Variants in DDX50 observed in about 807,000 individuals in gnomAD.
The protein encoded by DDX50 is ATP-dependent RNA helicase DDX50.
DDX50 carries 56 observed loss-of-function variants against 94.8 expected under a neutral mutation model. That is an observed-to-expected ratio of 0.59 (90% CI 0.48 to 0.74). DDX50 has a LOEUF of 0.74. DDX50 is among the 30% of genes least tolerant of loss of function. The probability of loss-of-function intolerance (pLI) is 0.00; values close to 1 mark genes in which losing one functional copy is unlikely to be tolerated. For missense variants in DDX50, 713 were observed against 881.2 expected, an observed-to-expected ratio of 0.81 and a Z score of 2.42; for synonymous variants, 264 against 295.4, an observed-to-expected ratio of 0.89 and a Z score of 1.09.
chr10:68,917,653 T>C (rs1328495715), intron 7 of DDX50, among the ~76,000 whole-genome samples: 2 of 152,176 alleles, frequency 1.3e-5, no homozygotes, highest in African/African-American at 2.4e-5. Flanking sequence ...CCGGCTGCAG[T>C]GCAGTGTGGC....
intron 12 of DDX50, among the ~76,000 whole-genome samples, chr10:68,939,426 G>C (rs1399666693): frequency 6.6e-6 from 1 of 152,096 alleles, no homozygotes; most frequent in African/African-American, 2.4e-5. Flanking sequence ...TAGAAACAGG[G>C]TGTTAGTGGC....
At chr10:68,907,342 G>T (rs1841489177) in intron 2 of DDX50, among the ~76,000 whole-genome samples, 1 of 133,414 alleles carries the variant, frequency 7.5e-6, no homozygotes, top group African/African-American at 2.8e-5. Context: ...TTGAGTCAGA[G>T]TCTCTCTCTG....
At chr10:68,904,239 A>G (rs751558137) in intron 1 of DDX50, among the ~76,000 whole-genome samples, 2 of 151,446 alleles carry the variant, frequency 1.3e-5, no homozygotes, top group Non-Finnish European at 2.9e-5. Context: ...TGAGCCAGGG[A>G]GGTTGAGGCC....
intron 7 of DDX50, among the ~76,000 whole-genome samples, chr10:68,917,991 C>T (rs903258923): frequency 9.9e-5 from 15 of 151,476 alleles, no homozygotes; most frequent in African/African-American, 3.4e-4. Context: ...GTGGCGCAGT[C>T]TCAGCTCACT....
At chr10:68,943,758 A>T (rs943445665) in intron 14 of DDX50, among the ~76,000 whole-genome samples, 1 of 151,732 alleles carries the variant, frequency 6.6e-6, no homozygotes, top group Non-Finnish European at 1.5e-5. Context: ...TTTTTAAAAA[A>T]TTTTTGTAGA....
In DDX50 at chr10:68,916,233, A is replaced by G. The variant is rs139059953; in HGVS notation, c.1089+2029A>G. On this transcript the variant is annotated intron_variant, in intron 7 of 14. Coordinates refer to ENST00000373585, the MANE Select transcript of DDX50 (RefSeq NM_024045.2). ...GCTGGGCATAGTTGCGCACGCCTGTAGTCCCAACTACTCGGCAGGCTGAGG... is the reference window on the plus strand; with the variant it reads ...GCTGGGCATAGTTGCGCACGCCTGTGGTCCCAACTACTCGGCAGGCTGAGG... 2.7e-3 allele frequency among the ~76,000 whole-genome samples: 417 copies of G among 152,002 alleles called. 2 individuals carry two copies. Among genetic ancestry groups the G allele is most frequent in the Middle Eastern group, 0.02 (6 of 294 alleles).
rs191707376 is a variant in DDX50, at chr10:68,910,893, G to A, written c.461-175G>A. Among the ~76,000 whole-genome samples the A allele has an allele frequency of 9.2e-5, 14 of 152,128 alleles. No individual in the cohort carries two copies. In the South Asian group the frequency reaches 2.5e-3, roughly 27 times the overall value. ...TTAGCTTTAAGATTTATATGCATTC[G>A]TCAAAAGTTTAGACTAATTTTTTAG... On this transcript the variant is annotated intron_variant, in intron 3 of 14. Coordinates refer to ENST00000373585, the MANE Select transcript of DDX50 (RefSeq NM_024045.2).
At chr10:68,905,337 C>G (rs1841415958) in intron 1 of DDX50, among the ~76,000 whole-genome samples, 1 of 147,940 alleles carries the variant, frequency 6.8e-6, no homozygotes, top group Admixed American at 6.8e-5. Flanking sequence ...AAAAAATTAA[C>G]TGAATTTAAA....
intron 7 of DDX50, among the ~76,000 whole-genome samples, chr10:68,915,874 C>G (rs1178418187): frequency 6.6e-6 from 1 of 152,050 alleles, no homozygotes; most frequent in Admixed American, 6.6e-5. Context: ...GAATGTAATG[C>G]AGTGGTTAAA....
At chr10:68,936,516 ATATATATATATATAT>A (rs1207502357) in intron 11 of DDX50, among the ~76,000 whole-genome samples, 45 of 16,682 alleles carry the variant, frequency 2.7e-3, no homozygotes, top group African/African-American at 0.012. Flanking sequence ...AAAAAAAAAA[ATATATATATATATAT>A]ATATATATAT....
intron 5 of DDX50, 26 bp from the exon 6 acceptor site, chr10:68,913,365 T>C: frequency 6.2e-7 from 1 of 1,605,368 alleles, no homozygotes; most frequent in Non-Finnish European, 8.5e-7. Context: ...ATTTTACATA[T>C]TGGTGGCATT....
At chr10:68,922,796 CTTT>C (rs753989835) in intron 8 of DDX50, among the ~76,000 whole-genome samples, 6 of 133,500 alleles carry the variant, frequency 4.5e-5, no homozygotes, top group Admixed American at 7.9e-5. Context: ...CTTTCTCTCT[CTTT>C]TTTTTTTTTT....
chr10:68,915,435 A>C (rs940337287), intron 7 of DDX50, among the ~76,000 whole-genome samples: 10 of 139,624 alleles, frequency 7.2e-5, no homozygotes, highest in African/African-American at 2.7e-4. Context: ...AAGAAAAAAA[A>C]GGCTGGGTGC....
intron 1 of DDX50, among the ~76,000 whole-genome samples, chr10:68,903,332 G>A (rs1841343361): frequency 6.6e-6 from 1 of 151,926 alleles, no homozygotes; most frequent in African/African-American, 2.4e-5. Context: ...AGGAGTTCAA[G>A]ACCAGCCTGG....
At position 68,906,695 on chromosome 10, in the gene DDX50, CTTTG is replaced by C. The variant is rs755688944; in HGVS notation, c.88-9_88-6del. The C allele has an allele frequency of 3.7e-5, 59 of 1,594,388 alleles. No homozygotes were observed. In the Middle Eastern group the frequency reaches 6.6e-4, roughly 18 times the overall value. On this transcript the variant is annotated splice_polypyrimidine_tract_variant and intron_variant, in intron 1 of 14. Transcript: ENST00000373585. ...ACCTCTGACCATCTTGTCATTGCTT[CTTTG>C]TTTGTTCACAGAGTGACAGAAGGAA...
In DDX50 at chr10:68,937,098, A is replaced by G; in HGVS notation, c.1755+3A>G. 6.3e-7 allele frequency: 1 copy of G among 1,588,300 alleles called. No homozygotes were observed. Among genetic ancestry groups the G allele is most frequent in the Non-Finnish European group, 8.6e-7 (1 of 1,163,990 alleles). ...GATCTTTGATCACCTCTGATAAGGTAGAAATCTGTGAGAAAATTGTACATG... is the reference window on the plus strand; with the variant it reads ...GATCTTTGATCACCTCTGATAAGGTGGAAATCTGTGAGAAAATTGTACATG... On this transcript the variant is annotated splice_donor_region_variant and intron_variant, in intron 12 of 14. Coordinates refer to ENST00000373585, the MANE Select transcript of DDX50 (RefSeq NM_024045.2).
chr10:68,936,334 A>T (rs1340659449), intron 11 of DDX50, among the ~76,000 whole-genome samples: 2 of 150,550 alleles, frequency 1.3e-5, no homozygotes, highest in Non-Finnish European at 3.0e-5. Context: ...AAAAAAATAC[A>T]AAAAATTAGC....
intron 5 of DDX50, 31 bp downstream of exon 5, chr10:68,913,310 G>A: frequency 1.2e-6 from 2 of 1,604,742 alleles, no homozygotes. Context: ...GACGTGCAAA[G>A]GCATATTTGA....
At chr10:68,923,082 C>T (rs1213428084) in intron 8 of DDX50, among the ~76,000 whole-genome samples, 5 of 135,596 alleles carry the variant, frequency 3.7e-5, no homozygotes, top group South Asian at 4.6e-4. Flanking sequence ...TGTGAGCCAC[C>T]GCACCTGGCT....
Sources: gnomAD v4.1 joint callset for allele counts (sites outside exome capture counted in the v4.1 genomes callset) on GRCh38, gnomAD v4.1.1 for gene constraint, MANE v1.5 for transcripts, NCBI Gene and HGNC (gene_info 2026-07-23, HGNC 2026-07-21) for gene names.